The following TRPM3 variants were observed in gnomAD, a reference collection of about 807,000 sequenced individuals.
TRPM3 encodes the protein transient receptor potential cation channel subfamily M member 3, also known as long transient receptor potential channel 3.
TRPM3 carries 77 observed loss-of-function variants against 181.2 expected under a neutral mutation model. The observed-to-expected ratio is 0.42, with a 90% confidence interval of 0.35 to 0.51. The LOEUF (loss-of-function observed/expected upper bound fraction) is 0.51, where lower values mean the gene tolerates loss of function less well. Ranked by LOEUF, TRPM3 falls within the 20% of genes least tolerant of loss-of-function variation. The pLI is 0.01. For missense variants in TRPM3, 1,759 were observed against 2,196.7 expected, an observed-to-expected ratio of 0.80 and a Z score of 3.98; for synonymous variants, 745 against 796.4, an observed-to-expected ratio of 0.94 and a Z score of 1.09.
At chr9:70,833,811 A>G (rs967157268) in intron 5 of TRPM3, among the ~76,000 whole-genome samples, 4 of 152,158 alleles carry the variant, frequency 2.6e-5, no homozygotes, top group African/African-American at 9.7e-5. Context: ...GAGGTCAGGA[A>G]AGCCACCAGC....
intron 1 of TRPM3, among the ~76,000 whole-genome samples, chr9:71,072,900 C>T (rs2062962345): frequency 6.6e-6 from 1 of 152,138 alleles, no homozygotes; most frequent in Admixed American, 6.6e-5. Flanking sequence ...ATCAATTAAG[C>T]AGCTGACCAG....
intron 1 of TRPM3, among the ~76,000 whole-genome samples, chr9:70,973,445 A>G (rs2097266107): frequency 2.6e-5 from 4 of 152,204 alleles, no homozygotes; most frequent in Admixed American, 2.6e-4. Context: ...CAATATAGGA[A>G]AGTTAGGCCA....
At chr9:70,880,733 T>G (rs2132687097) in intron 1 of TRPM3, among the ~76,000 whole-genome samples, 1 of 152,274 alleles carries the variant, frequency 6.6e-6, no homozygotes, top group Non-Finnish European at 1.5e-5. Flanking sequence ...TAAGACCTCA[T>G]TGATAGCTTC....
At chr9:71,279,475 G>A (rs1265255107) in intron 1 of TRPM3, among the ~76,000 whole-genome samples, 2 of 152,150 alleles carry the variant, frequency 1.3e-5, no homozygotes, top group Non-Finnish European at 2.9e-5. Context: ...AAACTTTATA[G>A]GAGCAAAAAA....
intron 1 of TRPM3, among the ~76,000 whole-genome samples, chr9:71,090,770 T>C (rs1300590090): frequency 2.0e-5 from 3 of 152,138 alleles, no homozygotes; most frequent in Non-Finnish European, 4.4e-5. Flanking sequence ...AAAATTTTCA[T>C]TTGTAAAATA....
rs1564540470 is a variant in TRPM3 at position 70,841,656 on chromosome 9, A to ATG, written c.801+1346_801+1347insCA. On this transcript the variant is annotated intron_variant, in intron 5 of 25. Transcript: ENST00000677713. ...TATATATATATATATATATATATAT[A>ATG]TATATCCCACCATATATATGTATAT... is the stretch of plus-strand genomic sequence containing the variant. Among the ~76,000 whole-genome samples the ATG allele has an allele frequency of 1.3e-3, 160 of 120,178 alleles. 2 individuals are homozygous for ATG. Among genetic ancestry groups the ATG allele is most frequent in the South Asian group, 0.013 (48 of 3,774 alleles). 78.8% of individuals were successfully genotyped at this position (120,178 alleles called of 152,430 possible).
intron 1 of TRPM3, among the ~76,000 whole-genome samples, chr9:71,305,946 T>C (rs1322438614): frequency 5.3e-5 from 8 of 152,166 alleles, no homozygotes. Context: ...CAATTCTAAC[T>C]GCAAGACAAA....
intron 1 of TRPM3, among the ~76,000 whole-genome samples, chr9:71,354,392 G>C (rs1484349521): frequency 6.6e-6 from 1 of 152,098 alleles, no homozygotes; most frequent in Non-Finnish European, 1.5e-5. Flanking sequence ...CACTCATTAG[G>C]TACACGACTC....
At chr9:70,776,493 C>CA (rs34030044) in intron 7 of TRPM3, 456,304 of 687,100 alleles carry the variant, frequency 0.66, 152,804 homozygotes, top group East Asian at 0.83. Context: ...TTGAGCTAGT[C>CA]AAAAAATGAT....
chr9:70,626,270 A>T (rs7024154), intron 12 of TRPM3, among the ~76,000 whole-genome samples: 2 of 152,068 alleles, frequency 1.3e-5, no homozygotes, highest in Admixed American at 6.5e-5. Context: ...CTGAGTGCAT[A>T]GTGAATTCCA....
intron 1 of TRPM3, among the ~76,000 whole-genome samples, chr9:71,202,451 G>A (rs1304330467): frequency 6.6e-6 from 1 of 152,156 alleles, no homozygotes; most frequent in Non-Finnish European, 1.5e-5. Context: ...CCTCATGAGA[G>A]GCCTTGGTCA....
intron 1 of TRPM3, among the ~76,000 whole-genome samples, chr9:71,289,205 G>A (rs1216704166): frequency 1.3e-5 from 2 of 151,932 alleles, no homozygotes; most frequent in Non-Finnish European, 1.5e-5. Flanking sequence ...CTAACTGCAG[G>A]ATTTATCTTG....
intron 1 of TRPM3, among the ~76,000 whole-genome samples, chr9:70,889,954 A>G (rs2096169191): frequency 6.7e-6 from 1 of 148,388 alleles, no homozygotes; most frequent in Non-Finnish European, 1.5e-5. Context: ...TACTATATAT[A>G]ACATACTATA....
intron 1 of TRPM3, among the ~76,000 whole-genome samples, chr9:71,234,271 G>C (rs1286721946): frequency 6.6e-6 from 1 of 152,096 alleles, no homozygotes; most frequent in Non-Finnish European, 1.5e-5. Context: ...TCTTAGCCTT[G>C]GAAGTCACTA....
At chr9:71,148,418 C>T (rs2075552498) in intron 1 of TRPM3, among the ~76,000 whole-genome samples, 2 of 152,092 alleles carry the variant, frequency 1.3e-5, no homozygotes, top group South Asian at 2.1e-4. Context: ...ACAATACTTG[C>T]AATGTCTAAG....
At chr9:70,602,772 T>TG (rs2060297277) in intron 20 of TRPM3, among the ~76,000 whole-genome samples, 1 of 151,964 alleles carries the variant, frequency 6.6e-6, no homozygotes, top group Non-Finnish European at 1.5e-5. Context: ...GCCATAGAAG[T>TG]GGGGGGAGAA....
At chr9:70,989,241 C>T (rs2134104498) in intron 1 of TRPM3, among the ~76,000 whole-genome samples, 1 of 152,266 alleles carries the variant, frequency 6.6e-6, no homozygotes, top group South Asian at 2.1e-4. Flanking sequence ...AACACCTAAG[C>T]TTATATCTAT....
At chr9:71,124,166 T>C (rs2073891927), upstream of TRPM3, among the ~76,000 whole-genome samples, 2 of 152,150 alleles carry the variant, frequency 1.3e-5, no homozygotes, top group Non-Finnish European at 2.9e-5. Flanking sequence ...TTTTCTTCCA[T>C]CACTGGGGAC....
intron 1 of TRPM3, among the ~76,000 whole-genome samples, chr9:71,061,031 A>C (rs2133345200): frequency 6.6e-6 from 1 of 152,230 alleles, no homozygotes; most frequent in South Asian, 2.1e-4. Flanking sequence ...CCCTCTAAAA[A>C]GAGGGTCAGG....
Sources: gnomAD v4.1 joint callset for allele counts (sites outside exome capture counted in the v4.1 genomes callset) on GRCh38, gnomAD v4.1.1 for gene constraint, MANE v1.5 for transcripts, NCBI Gene and HGNC (gene_info 2026-07-23, HGNC 2026-07-21) for gene names.